The following FBXW7 variants were observed in gnomAD, a reference collection of about 807,000 sequenced individuals.
The protein encoded by FBXW7 is F-box and WD repeat domain containing 7.
Under a neutral mutation model 86.3 loss-of-function variants are expected in FBXW7, and 11 were observed. That is an observed-to-expected ratio of 0.13 (90% CI 0.08 to 0.21). The LOEUF (loss-of-function observed/expected upper bound fraction) is 0.21. Ranked by LOEUF, FBXW7 falls within the 10% of genes least tolerant of loss-of-function variation. FBXW7 has a pLI of 1.00. For synonymous variants in FBXW7, 313 were observed against 297.9 expected (o/e 1.05, Z -0.52); for missense variants, 488 against 847.4 (o/e 0.58, Z 5.27).
At chr4:152,392,683 G>A (rs992185714) in intron 4 of FBXW7, among the ~76,000 whole-genome samples, 4 of 152,052 alleles carry the variant, frequency 2.6e-5, no homozygotes, top group Admixed American at 1.3e-4. Context: ...ATGGATAACC[G>A]AGACATCTTA....
intron 2 of FBXW7, among the ~76,000 whole-genome samples, chr4:152,502,804 G>A (rs1747078120): frequency 6.6e-6 from 1 of 152,030 alleles, no homozygotes; most frequent in South Asian, 2.1e-4. Context: ...TATTTCTTGG[G>A]TTTTAAAGTT....
At chr4:152,474,276 A>G (rs1016636581) in intron 2 of FBXW7, among the ~76,000 whole-genome samples, 1 of 152,248 alleles carries the variant, frequency 6.6e-6, no homozygotes, top group Non-Finnish European at 1.5e-5. Flanking sequence ...CAGTAAGTCT[A>G]ATGAAGACTG....
intron 2 of FBXW7, among the ~76,000 whole-genome samples, chr4:152,500,817 C>T (rs766916963): frequency 2.0e-5 from 3 of 152,158 alleles, no homozygotes. Flanking sequence ...ATCACATGTA[C>T]AATTTAAAAA....
At chr4:152,395,322 G>T (rs948000714) in intron 4 of FBXW7, among the ~76,000 whole-genome samples, 1 of 152,014 alleles carries the variant, frequency 6.6e-6, no homozygotes, top group African/African-American at 2.4e-5. Flanking sequence ...AAAAATACTG[G>T]TGCAGACACT....
chr4:152,439,391 T>C (rs1212485179), intron 2 of FBXW7, among the ~76,000 whole-genome samples: 1 of 152,088 alleles, frequency 6.6e-6, no homozygotes, highest in African/African-American at 2.4e-5. Context: ...CTAACTGGGG[T>C]AAATATTTAG....
In FBXW7 at chr4:152,363,063, T is replaced by C. The variant is rs566974278; in HGVS notation, c.502-12939A>G. Among the ~76,000 whole-genome samples the C allele has an allele frequency of 2.4e-4, 36 of 152,252 alleles. No individual in the cohort carries two copies. The South Asian group carries it at 2.9e-3, about 12-fold the overall frequency. Reference sequence around the variant, plus strand: ...TCCATTTATTTCAAAGACTTTAACTTTGTGAGATTCACAATATTTGTTTAT... The same window carrying C: ...TCCATTTATTTCAAAGACTTTAACTCTGTGAGATTCACAATATTTGTTTAT... On this transcript the variant is annotated intron_variant, in intron 4 of 13. Coordinates refer to ENST00000281708, the MANE Select transcript of FBXW7 (RefSeq NM_001349798.2).
intron 2 of FBXW7, among the ~76,000 whole-genome samples, chr4:152,484,274 A>C (rs1745150170): frequency 6.6e-6 from 1 of 152,148 alleles, no homozygotes; most frequent in African/African-American, 2.4e-5. Context: ...TTTTCTTAAA[A>C]TGATAAATAT....
At chr4:152,345,305 A>T (rs1024293163) in intron 6 of FBXW7, among the ~76,000 whole-genome samples, 2 of 152,196 alleles carry the variant, frequency 1.3e-5, no homozygotes, top group Non-Finnish European at 2.9e-5. Context: ...ATAACTCAGG[A>T]GGAAGGGTAG....
At chr4:152,495,444 A>AG (rs1232365004) in intron 2 of FBXW7, among the ~76,000 whole-genome samples, 1 of 152,106 alleles carries the variant, frequency 6.6e-6, no homozygotes, top group Non-Finnish European at 1.5e-5. Context: ...CAACTCAAAA[A>AG]GGAAAAAAAA....
intron 2 of FBXW7, among the ~76,000 whole-genome samples, chr4:152,485,839 C>T (rs921349120): frequency 6.6e-6 from 1 of 152,204 alleles, no homozygotes; most frequent in Non-Finnish European, 1.5e-5. Flanking sequence ...TGATTGAGTT[C>T]TCGCTGGCTA....
chr4:152,345,784 C>G (rs1731206581), intron 6 of FBXW7, among the ~76,000 whole-genome samples: 1 of 152,104 alleles, frequency 6.6e-6, no homozygotes, highest in Non-Finnish European at 1.5e-5. Flanking sequence ...AAAATAGACA[C>G]ATTTATCTCA....
intron 2 of FBXW7, among the ~76,000 whole-genome samples, chr4:152,497,724 A>T (rs1171761739): frequency 6.6e-6 from 1 of 152,200 alleles, no homozygotes; most frequent in East Asian, 1.9e-4. Context: ...GCAATACTTG[A>T]TAAAGTGGCA....
chr4:152,330,939 C>T (rs2126537995), intron 8 of FBXW7, 71 bp from the exon 9 acceptor site: 1 of 1,444,264 alleles, frequency 6.9e-7, no homozygotes, highest in Non-Finnish European at 9.4e-7. Context: ...TAAAGTATTC[C>T]ATCTTTATAA....
chr4:152,402,875 CAAAAT>C (rs1226877122), intron 4 of FBXW7, among the ~76,000 whole-genome samples: 1 of 152,138 alleles, frequency 6.6e-6, no homozygotes, highest in East Asian at 1.9e-4. Context: ...GATGTCAACA[CAAAAT>C]AAAGAACCCT....
intron 6 of FBXW7, 157 bp downstream of exon 6, chr4:152,346,773 C>T: frequency 4.4e-6 from 4 of 918,290 alleles, no homozygotes; most frequent in Non-Finnish European, 6.5e-6. Context: ...CAACATGTGG[C>T]CTTTTGTGTC....
chr4:152,460,701 G>C (rs1025121739), intron 2 of FBXW7, among the ~76,000 whole-genome samples: 1 of 152,178 alleles, frequency 6.6e-6, no homozygotes, highest in African/African-American at 2.4e-5. Context: ...CTCTGGTATT[G>C]AGCAATTTGA....
intron 2 of FBXW7, among the ~76,000 whole-genome samples, chr4:152,501,463 C>A (rs909838799): frequency 6.6e-6 from 1 of 152,124 alleles, no homozygotes; most frequent in African/African-American, 2.4e-5. Flanking sequence ...GCCTAACTTG[C>A]TCAAAGGATA....
chr4:152,453,183 G>GA (rs547196916), intron 2 of FBXW7, among the ~76,000 whole-genome samples: 1 of 152,006 alleles, frequency 6.6e-6, no homozygotes, highest in African/African-American at 2.4e-5. Flanking sequence ...GACTGTTTCA[G>GA]AAAAAAGAAG....
In FBXW7 at chr4:152,535,876, GA is replaced by G; in HGVS notation, c.-963del. 2.6e-6 allele frequency: 1 copy of G among 379,522 alleles called. No homozygotes were observed. Among genetic ancestry groups the G allele is most frequent in the East Asian group, 3.8e-5 (1 of 26,518 alleles). The allele number at this position is 379,522 out of a possible 1,614,324, so 23.5% of individuals were successfully genotyped here. ...GTGTGCAGCCGCCGCTGCCGGCCGG[GA>G]AGGTGAGGGGGGGAAAGGAGTGCGG... On this transcript the variant is annotated 5_prime_UTR_variant, in exon 1 of 14. Transcript: ENST00000281708.
Sources: allele counts gnomAD v4.1 joint callset (sites outside exome capture counted in the v4.1 genomes callset), GRCh38; gene constraint gnomAD v4.1.1; transcripts MANE v1.5; gene names NCBI Gene and HGNC (gene_info 2026-07-23, HGNC 2026-07-21).